The following PC variants were observed in gnomAD, a reference collection of about 807,000 sequenced individuals.
PC encodes pyruvate carboxylase, mitochondrial.
PC carries 46 observed loss-of-function variants against 107.8 expected under a neutral mutation model. That is an observed-to-expected ratio of 0.43 (90% CI 0.34 to 0.55). PC has a LOEUF of 0.55. Among genes scored for constraint, PC ranks in the 20% least tolerant of loss-of-function variants. The probability of loss-of-function intolerance (pLI) is 0.04; values close to 1 mark genes in which losing one functional copy is unlikely to be tolerated. For synonymous variants in PC, 662 were observed against 684.7 expected (o/e 0.97, Z 0.52); for missense variants, 1,241 against 1,643.1 (o/e 0.76, Z 4.23).
Position 66,863,887 on chromosome 11 carries a change from A to G in PC, c.1255T>C (p.Ser419Pro). 6.2e-7 allele frequency: 1 copy of G among 1,613,982 alleles called. No homozygotes were observed. Among genetic ancestry groups the G allele is most frequent in the Non-Finnish European group, 8.5e-7 (1 of 1,180,018 alleles). The change falls in exon 12 of 23, where the codon TCG becomes CCG. Residue 419 changes from serine (S) to proline (P), a missense_variant. This residue lies in a region of PC where 1,143 missense variants were observed against 1,551.9 expected (regional missense o/e 0.74). Transcript: ENST00000393960. ...ACCAGCAGGGAGTCGTAGTGGGGCG[A>G]GATGACGGCTCCTTGGAAGGCGGAA... The part of the protein sequence containing the change: ...NASAFQGAVI[S>P]PHYDSLLVKV...
At chr11:66,919,273 A>C (rs752960974) in intron 3 of PC, among the ~76,000 whole-genome samples, 2 of 152,102 alleles carry the variant, frequency 1.3e-5, no homozygotes, top group Non-Finnish European at 2.9e-5. Flanking sequence ...AAAATTAGCC[A>C]GGCGTGGTGG....
rs1024970622 is a variant in PC, at chr11:66,952,859, C to T, written c.-39-391G>A. Among the ~76,000 whole-genome samples the T allele has an allele frequency of 2.0e-5, 3 of 152,304 alleles. No homozygotes were observed. In the East Asian group the frequency reaches 5.8e-4, roughly 29 times the overall value. ...CACCCGGCCAAGAACTGTTTCTTTG[C>T]TTCCACTGAGGGCACCAGGAGGGTA... On this transcript the variant is annotated intron_variant, in intron 2 of 22. Coordinates refer to ENST00000393960, the MANE Select transcript of PC (RefSeq NM_001040716.2).
rs769799180 is a variant in PC, at chr11:66,866,154, G to A, written c.1185+33C>T. The A allele has an allele frequency of 1.3e-6, 2 of 1,598,352 alleles. No homozygotes were observed. Among genetic ancestry groups the A allele is most frequent in the Non-Finnish European group, 1.7e-6 (2 of 1,177,076 alleles). ...CCAGGCAGAACCTGTGCACAGGTGA[G>A]CTGGCATCTCCCTCTGCTCGAGCTC... On this transcript the variant is annotated intron_variant, in intron 11 of 22. Transcript: ENST00000393960. The surrounding 1 kb of genome is among the most constrained non-coding windows in gnomAD (Gnocchi z 5.4).
chr11:66,927,012 C>T (rs1348417995), intron 3 of PC, among the ~76,000 whole-genome samples: 5 of 149,502 alleles, frequency 3.3e-5, no homozygotes, highest in African/African-American at 7.4e-5. Context: ...TGTTTTGAGA[C>T]GGAGTTTTGC....
chr11:66,906,918 G>A (rs1948184803), intron 3 of PC, among the ~76,000 whole-genome samples: 1 of 152,134 alleles, frequency 6.6e-6, no homozygotes, highest in Non-Finnish European at 1.5e-5. Flanking sequence ...CTGCTGTCTG[G>A]GAGGTCTCAC....
In PC at chr11:66,853,190, G is replaced by A. The variant is rs968111208; in HGVS notation, c.1513+49C>T. 7 of 1,602,202 alleles carry A rather than the reference G, an allele frequency of 4.4e-6. No individual in the cohort carries two copies. In the Admixed American group the frequency reaches 8.4e-5, roughly 19 times the overall value. On this transcript the variant is annotated intron_variant, in intron 13 of 22. Coordinates refer to ENST00000393960, the MANE Select transcript of PC (RefSeq NM_001040716.2). Reference sequence around the variant, plus strand: ...GGCAAGGAGGTAGGAGCAAGAGATTGGAGAGCGGAGGGGAGGGGAGGGCAG... The same window carrying A: ...GGCAAGGAGGTAGGAGCAAGAGATTAGAGAGCGGAGGGGAGGGGAGGGCAG...
At chr11:66,955,476 G>A (rs533475805) in intron 1 of PC, among the ~76,000 whole-genome samples, 113 of 152,330 alleles carry the variant, frequency 7.4e-4, no homozygotes, top group Non-Finnish European at 1.4e-3. Flanking sequence ...ACAGGGAACC[G>A]AGTCAGCCAG....
At chr11:66,887,419 C>A (rs1591228725) in intron 3 of PC, among the ~76,000 whole-genome samples, 2 of 152,214 alleles carry the variant, frequency 1.3e-5, no homozygotes, top group Non-Finnish European at 1.5e-5. Flanking sequence ...CTCAGAGAAA[C>A]AAGAAAAGCT....
chr11:66,891,407 T>C (rs780474798), intron 3 of PC, among the ~76,000 whole-genome samples: 46 of 151,052 alleles, frequency 3.0e-4, no homozygotes, highest in Non-Finnish European at 5.7e-4. Context: ...TGTTTTGTTT[T>C]TTTGAGACAG....
At position 66,858,775 on chromosome 11, in the gene PC, G is replaced by A. The variant is rs1004972521; in HGVS notation, c.1368+4999C>T. ...TTAGAGATTGGGGTGACCGGCGCTGGGGACGCTGGGGGCTACACCTGCATC... is the reference window on the plus strand; with the variant it reads ...TTAGAGATTGGGGTGACCGGCGCTGAGGACGCTGGGGGCTACACCTGCATC... On this transcript the variant is annotated intron_variant, in intron 12 of 22. Transcript: ENST00000393960. This position sits in a 1 kb window ranked among gnomAD's most constrained non-coding sequence, Gnocchi z 5.9. The A allele has an allele frequency of 1.3e-6, 2 of 1,550,034 alleles. No homozygotes were observed. The highest frequency in any genetic ancestry group is 2.7e-5 in the African/African-American group (2 of 73,160).
chr11:66,899,119 C>G (rs1947862364), intron 3 of PC, among the ~76,000 whole-genome samples: 1 of 152,144 alleles, frequency 6.6e-6, no homozygotes, highest in African/African-American at 2.4e-5. Flanking sequence ...ATCCACCTGC[C>G]TTGGCCTCCC....
chr11:66,922,580 C>G (rs936169214), intron 3 of PC, among the ~76,000 whole-genome samples: 1 of 125,052 alleles, frequency 8.0e-6, no homozygotes, highest in Non-Finnish European at 1.7e-5. Flanking sequence ...AAAAAAAAAG[C>G]AATGAGCCTA....
chr11:66,899,426 GC>G (rs1356972979), intron 3 of PC, among the ~76,000 whole-genome samples: 2 of 152,048 alleles, frequency 1.3e-5, no homozygotes. Flanking sequence ...TCACTCTGTC[GC>G]CCAGGCTGGA....
Position 66,947,904 on chromosome 11 carries a change from A to C in PC, c.-1+4526T>G, listed in dbSNP as rs1284925840. Among the ~76,000 whole-genome samples, 34 of 150,662 alleles carry C rather than the reference A, an allele frequency of 2.3e-4. No individual in the cohort carries two copies. In the Admixed American group the frequency reaches 2.3e-3, roughly 10 times the overall value. On this transcript the variant is annotated intron_variant, in intron 3 of 22. Transcript: ENST00000393960. ...CTTGAACCCGGGAGGCAGAGGTTGC[A>C]GTGAGCCGAGATCATGCCACTGCAC...
Position 66,871,947 on chromosome 11 carries a change from TG to T in PC, c.136+76del. Reference sequence around the variant, plus strand: ...GAAAGGGGAGTGGGAAGCCAGGGCCTGGGGCAGTGAGTGGGAGAAGAATGCC... The same window carrying T: ...GAAAGGGGAGTGGGAAGCCAGGGCCTGGGCAGTGAGTGGGAGAAGAATGCC... On this transcript the variant is annotated intron_variant, in intron 4 of 22. Coordinates refer to ENST00000393960, the MANE Select transcript of PC (RefSeq NM_001040716.2). This position sits in a 1 kb window ranked among gnomAD's most constrained non-coding sequence, Gnocchi z 7.4. 1 of 1,569,930 alleles carries T rather than the reference TG, an allele frequency of 6.4e-7. No homozygotes were observed.
intron 3 of PC, among the ~76,000 whole-genome samples, chr11:66,879,447 AG>A (rs953318248): frequency 1.3e-5 from 2 of 151,908 alleles, no homozygotes; most frequent in African/African-American, 4.9e-5. Context: ...TGTTGCAGAG[AG>A]GGGGGCACCT....
intron 18 of PC, 63 bp downstream of exon 18, chr11:66,850,611 A>C: frequency 6.2e-7 from 1 of 1,601,842 alleles, no homozygotes; most frequent in Non-Finnish European, 8.5e-7. Context: ...GTCCAACACT[A>C]CTGGGACTGG....
chr11:66,914,832 C>T (rs1758723109), intron 3 of PC, among the ~76,000 whole-genome samples: 1 of 151,950 alleles, frequency 6.6e-6, no homozygotes, highest in Admixed American at 6.6e-5. Context: ...TCCAGGAGTT[C>T]AAGACCAGCC....
chr11:66,953,548 T>C (rs925188240), intron 2 of PC, among the ~76,000 whole-genome samples: 4 of 152,182 alleles, frequency 2.6e-5, no homozygotes, highest in Admixed American at 6.5e-5. Context: ...CACTAGTCAA[T>C]GAACAGCAAA....
Sources: gnomAD v4.1 joint callset for allele counts (sites outside exome capture counted in the v4.1 genomes callset) on GRCh38, gnomAD v4.1.1 for gene constraint, gnomAD v4.1.1 regional missense constraint, Gnocchi (gnomAD v3.1) non-coding constraint, MANE v1.5 for transcripts, NCBI Gene and HGNC (gene_info 2026-07-23, HGNC 2026-07-21) for gene names.